Variants in PRPF8 observed in about 807,000 individuals in gnomAD.
PRPF8 encodes pre-mRNA processing factor 8.
A neutral mutation model predicts 285.9 loss-of-function variants in PRPF8; 64 were observed. That is an observed-to-expected ratio of 0.22 (90% CI 0.18 to 0.28). PRPF8 has a LOEUF of 0.28. PRPF8 is among the 10% of genes least tolerant of loss of function. The pLI is 1.00. For missense variants in PRPF8, 1,426 were observed against 3,026.7 expected, an observed-to-expected ratio of 0.47 and a Z score of 12.41; for synonymous variants, 1,325 against 1,118.2, an observed-to-expected ratio of 1.18 and a Z score of -3.69.
In PRPF8 at chr17:1,679,695, G is replaced by A. The variant is rs1270141748; in HGVS notation, c.1203C>T (p.Gly401=). ...TPLYTDNTAN[G]IALLWAPRPF... ...GCCGCGGGGCCCAGAGCAGGGCAATGCCATTGGCTGTATTGTCTGTATAGA... is the reference window on the plus strand; with the variant it reads ...GCCGCGGGGCCCAGAGCAGGGCAATACCATTGGCTGTATTGTCTGTATAGA... The change falls in exon 9 of 43, where the codon GGC becomes GGT. Residue 401 remains glycine, a synonymous_variant. Coordinates refer to ENST00000304992, the MANE Select transcript of PRPF8 (RefSeq NM_006445.4). The surrounding 1 kb of genome is among the most constrained non-coding windows in gnomAD (Gnocchi z 4.7). The A allele has an allele frequency of 1.9e-6, 3 of 1,614,038 alleles. No homozygotes were observed. Among genetic ancestry groups the A allele is most frequent in the Admixed American group, 3.3e-5 (2 of 59,998 alleles).
chr17:1,665,478 C>G (rs983050365), intron 24 of PRPF8, among the ~76,000 whole-genome samples: 6 of 151,512 alleles, frequency 4.0e-5, no homozygotes, highest in Non-Finnish European at 7.4e-5. Flanking sequence ...GCGGAAGTTG[C>G]AGTGAGCCAA....
In PRPF8 at chr17:1,680,855, CAA is replaced by C. The variant is rs1401155140; in HGVS notation, c.993-26_993-25del. ...ACCTAAAATGAAAGGAAGAGTCAGCCAAAGTTTTCCCGCCCTGGCCCAACCTA... is the reference window on the plus strand; with the variant it reads ...ACCTAAAATGAAAGGAAGAGTCAGCCAGTTTTCCCGCCCTGGCCCAACCTA... On this transcript the variant is annotated intron_variant, in intron 7 of 42. Transcript: ENST00000304992. 3 of 1,613,956 alleles carry C rather than the reference CAA, an allele frequency of 1.9e-6. No homozygotes were observed. In the African/African-American group the frequency reaches 4.0e-5, roughly 22 times the overall value.
rs750342953 is a variant in PRPF8 at position 1,682,114 on chromosome 17, T to C, written c.434+15A>G. ...CCACCACCACCACCACCCACCATAT[T>C]TCAGCCTTTCTCACCCCCACTGGGA... On this transcript the variant is annotated intron_variant, in intron 4 of 42. Transcript: ENST00000304992. 1.2e-6 allele frequency: 2 copies of C among 1,613,852 alleles called. No individual in the cohort carries two copies. Among genetic ancestry groups the C allele is most frequent in the Non-Finnish European group, 1.7e-6 (2 of 1,179,936 alleles).
Position 1,658,468 on chromosome 17 carries a change from T to C in PRPF8, c.5376+58A>G. 1 of 1,613,638 alleles carries C rather than the reference T, an allele frequency of 6.2e-7. No homozygotes were observed. On this transcript the variant is annotated intron_variant, in intron 33 of 42. Transcript: ENST00000304992. This position sits in a 1 kb window ranked among gnomAD's most constrained non-coding sequence, Gnocchi z 4.1. ...CCAGCATGTGTACACACTTAGCCCA[T>C]TACTCTCCCACAGCCATGTACAGAG...
Position 1,680,964 on chromosome 17 carries a change from C to T in PRPF8, c.957G>A (p.Leu319=), listed in dbSNP as rs748407996. 3.7e-6 allele frequency: 6 copies of T among 1,614,000 alleles called. No individual in the cohort carries two copies. Among genetic ancestry groups the T allele is most frequent in the South Asian group, 1.1e-5 (1 of 91,072 alleles). Residue 319 remains leucine, a synonymous_variant, in exon 7 of 43, where the codon TTG becomes TTA. Transcript: ENST00000304992. ...RTEYKIAFPY[L]YNNLPHHVHL... ...GGACATGGTGTGGAAGATTGTTGTA[C>T]AAGTAAGGAAAAGCAATCTTGTACT...
intron 24 of PRPF8, among the ~76,000 whole-genome samples, chr17:1,663,221 A>G (rs978543662): frequency 6.6e-6 from 1 of 152,228 alleles, no homozygotes; most frequent in Non-Finnish European, 1.5e-5. Context: ...ATGTAGCCAA[A>G]TAAGTGAAAA....
In PRPF8 at chr17:1,655,422, G is replaced by A; in HGVS notation, c.5915C>T (p.Thr1972Ile). Residue 1972 changes from threonine (T) to isoleucine (I), a missense_variant, in exon 37 of 43, where the codon ACT (threonine) becomes ATT (isoleucine). Thr to Ile is a moderately conservative substitution (Grantham distance 89). Transcript: ENST00000304992. ...TEPHHIWPTL[T>I]DEEWIKVEVQ... is the part of the protein sequence containing the mutation. ...CTCGACCTTGATCCATTCTTCGTCA[G>A]TCAGAGTGGGCCAGATGTGGTGTGG... 6.2e-7 allele frequency: 1 copy of A among 1,614,090 alleles called. No homozygotes were observed. The highest frequency in any genetic ancestry group is 8.5e-7 in the Non-Finnish European group (1 of 1,180,036).
Position 1,661,861 on chromosome 17 carries a change from G to C in PRPF8, c.4022+45C>G, listed in dbSNP as rs780798956. On this transcript the variant is annotated intron_variant, in intron 25 of 42. Coordinates refer to ENST00000304992, the MANE Select transcript of PRPF8 (RefSeq NM_006445.4). This position sits in a 1 kb window ranked among gnomAD's most constrained non-coding sequence, Gnocchi z 7.3. ...ACTAAAGAAATACCCACTTCCCTTA[G>C]GGCCTGAGCAATAGGGTTTAGAAAT... is the stretch of plus-strand genomic sequence containing the variant. 3 of 1,614,050 alleles carry C rather than the reference G, an allele frequency of 1.9e-6. No homozygotes were observed. In the East Asian group the frequency reaches 6.7e-5, roughly 36 times the overall value.
At position 1,653,554 on chromosome 17, in the gene PRPF8, G is replaced by A. The variant is rs531804043; in HGVS notation, c.6357C>T (p.Asp2119=). The A allele has an allele frequency of 1.4e-5, 22 of 1,614,206 alleles. No homozygotes were observed. The highest frequency in any genetic ancestry group is 1.3e-4 in the South Asian group (12 of 91,084). The part of the protein sequence containing the change: ...NVLKKFICIS[D]LRAQIAGYLY... ...TCCACTTACTCACTTGGGCCCGAAG[G>A]TCAGATATGCAGATGAACTTCTTAA... The change falls in exon 39 of 43, where the codon GAC becomes GAT. Residue 2119 remains aspartate (D), a synonymous_variant. Transcript: ENST00000304992. This position sits in a 1 kb window ranked among gnomAD's most constrained non-coding sequence, Gnocchi z 4.9.
Position 1,659,304 on chromosome 17 carries a change from G to C in PRPF8, c.5138+53C>G. 6.2e-7 allele frequency: 1 copy of C among 1,601,004 alleles called. No individual in the cohort carries two copies. The highest frequency in any genetic ancestry group is 8.6e-7 in the Non-Finnish European group (1 of 1,169,240). ...GCCTCCCAAAGTGCTGGGATTACAG[G>C]TGTGAGCCACTGCGCCTGGCCTGAA... On this transcript the variant is annotated intron_variant, in intron 32 of 42. Coordinates refer to ENST00000304992, the MANE Select transcript of PRPF8 (RefSeq NM_006445.4). This position sits in a 1 kb window ranked among gnomAD's most constrained non-coding sequence, Gnocchi z 5.1.
At position 1,682,174 on chromosome 17, in the gene PRPF8, T is replaced by A; in HGVS notation, c.389A>T (p.Asn130Ile). The change falls in exon 4 of 43, where the codon AAT (asparagine) becomes ATT (isoleucine). Residue 130 changes from asparagine to isoleucine, a missense_variant. Physicochemically the swap from Asn to Ile is moderately radical, Grantham distance 149. This residue lies in a region of PRPF8 where 96 missense variants were observed against 188.3 expected (regional missense o/e 0.51). Transcript: ENST00000304992. ...AGGTTCAATGACCCAGGGAATCTCA[T>A]TGACGAAGGAAATGGCTCCAGTGAT... ...YHITGAISFV[N>I]EIPWVIEPVY... The A allele has an allele frequency of 1.2e-6, 2 of 1,614,018 alleles. No homozygotes were observed. The highest frequency in any genetic ancestry group is 1.7e-6 in the Non-Finnish European group (2 of 1,180,002).
At chr17:1,683,317 A>T (rs1913040570) in intron 3 of PRPF8, 2 of 641,958 alleles carry the variant, frequency 3.1e-6, no homozygotes, top group African/African-American at 3.6e-5. Flanking sequence ...TAATATCATC[A>T]ACAGGACAAA....
intron 36 of PRPF8, among the ~76,000 whole-genome samples, 200 bp downstream of exon 36, chr17:1,656,192 G>A (rs1911373184): frequency 6.6e-6 from 1 of 152,134 alleles, no homozygotes; most frequent in Non-Finnish European, 1.5e-5. Context: ...CAAAGTGCTG[G>A]GATTACGGGC....
At position 1,659,728 on chromosome 17, in the gene PRPF8, T is replaced by C. The variant is rs1911583441; in HGVS notation, c.4946+113A>G. The C allele has an allele frequency of 2.8e-6, 4 of 1,436,488 alleles. No individual in the cohort carries two copies. Among genetic ancestry groups the C allele is most frequent in the Non-Finnish European group, 3.8e-6 (4 of 1,043,048 alleles). 89.0% of individuals were successfully genotyped at this position (1,436,488 alleles called of 1,614,324 possible). On this transcript the variant is annotated intron_variant, in intron 31 of 42. Coordinates refer to ENST00000304992, the MANE Select transcript of PRPF8 (RefSeq NM_006445.4). The surrounding 1 kb of genome is among the most constrained non-coding windows in gnomAD (Gnocchi z 5.1). ...TGTTGACAGGCTCCAAGCGTAGCAC[T>C]GGCTCCAAGTTTGAAACAAAGGCAG...
chr17:1,678,252 C>T (rs569739275), intron 13 of PRPF8, among the ~76,000 whole-genome samples: 1 of 152,014 alleles, frequency 6.6e-6, no homozygotes, highest in African/African-American at 2.4e-5. Flanking sequence ...GAGGCGGAGG[C>T]TGTGGTGAGC....
Position 1,675,474 on chromosome 17 carries a change from G to C in PRPF8, c.2873-135C>G. On this transcript the variant is annotated intron_variant, in intron 19 of 42. Coordinates refer to ENST00000304992, the MANE Select transcript of PRPF8 (RefSeq NM_006445.4). The surrounding 1 kb of genome is among the most constrained non-coding windows in gnomAD (Gnocchi z 6.0). ...TTCATTTGGATTGCTTTGACTATGGGCTTTTCCTCAGTTTAACACGAACAC... is the reference window on the plus strand; with the variant it reads ...TTCATTTGGATTGCTTTGACTATGGCCTTTTCCTCAGTTTAACACGAACAC... 5 of 1,445,402 alleles carry C rather than the reference G, an allele frequency of 3.5e-6. No homozygotes were observed. In the South Asian group the frequency reaches 5.7e-5, roughly 17 times the overall value. The allele number at this position is 1,445,402 out of a possible 1,614,324, so 89.5% of individuals were successfully genotyped here. A position where few individuals can be genotyped will look rare whatever the true frequency, so the allele number is the denominator to read the frequency against.
intron 2 of PRPF8, 60 bp downstream of exon 2, chr17:1,684,412 T>C (rs1240347480): frequency 4.4e-6 from 7 of 1,573,590 alleles, no homozygotes; most frequent in African/African-American, 4.1e-5. Flanking sequence ...CCCACCCGCC[T>C]GCGCGCGCGC....
In PRPF8 at chr17:1,675,522, T is replaced by G. The variant is rs1912564249; in HGVS notation, c.2872+98A>C. Reference sequence around the variant, plus strand: ...CACTACTTCCCTTTACTACCACGCATCAAGAGAGTAAACCAATCATGCTAC... The same window carrying G: ...CACTACTTCCCTTTACTACCACGCAGCAAGAGAGTAAACCAATCATGCTAC... On this transcript the variant is annotated intron_variant, in intron 19 of 42. Coordinates refer to ENST00000304992, the MANE Select transcript of PRPF8 (RefSeq NM_006445.4). This position sits in a 1 kb window ranked among gnomAD's most constrained non-coding sequence, Gnocchi z 6.0. 7.2e-6 allele frequency: 11 copies of G among 1,528,160 alleles called. No individual in the cohort carries two copies. The South Asian group carries it at 1.2e-4, about 17-fold the overall frequency. The allele number at this position is 1,528,160 out of a possible 1,614,324, so 94.7% of individuals were successfully genotyped here. A position where few individuals can be genotyped will look rare whatever the true frequency, so the allele number is the denominator to read the frequency against.
At chr17:1,678,061 T>A (rs1226914642) in intron 13 of PRPF8, among the ~76,000 whole-genome samples, 1 of 152,112 alleles carries the variant, frequency 6.6e-6, no homozygotes, top group African/African-American at 2.4e-5. Flanking sequence ...ACGCTGGTAA[T>A]CCCAGTACTT....
Sources: allele counts gnomAD v4.1 joint callset (sites outside exome capture counted in the v4.1 genomes callset), GRCh38; gene constraint gnomAD v4.1.1; regional missense constraint gnomAD v4.1.1; non-coding constraint Gnocchi (gnomAD v3.1); transcripts MANE v1.5; gene names NCBI Gene and HGNC (gene_info 2026-07-23, HGNC 2026-07-21).